Variants in FHAD1 observed in about 807,000 individuals in gnomAD.
The protein encoded by FHAD1 is forkhead-associated domain-containing protein 1.
In FHAD1, 146 loss-of-function variants were observed where a neutral mutation model predicts 191.3. The ratio of observed to expected loss-of-function variants is 0.76; its 90% CI spans 0.67 to 0.88. The LOEUF is 0.88. FHAD1 is among the 40% of genes least tolerant of loss of function. FHAD1 has a pLI of 0.00. For synonymous variants in FHAD1, 616 were observed against 672.3 expected (o/e 0.92, Z 1.29); for missense variants, 1,635 against 1,785.8 (o/e 0.92, Z 1.52).
At chr1:15,298,840 C>T (rs903645651) in intron 5 of FHAD1, among the ~76,000 whole-genome samples, 1 of 152,038 alleles carries the variant, frequency 6.6e-6, no homozygotes, top group Non-Finnish European at 1.5e-5. Flanking sequence ...CTTGTCAGGA[C>T]TCCTTCAAGT....
intron 3 of FHAD1, among the ~76,000 whole-genome samples, chr1:15,285,490 G>A (rs574583088): frequency 2.2e-4 from 33 of 152,270 alleles, no homozygotes; most frequent in African/African-American, 7.7e-4. Flanking sequence ...CCGAGATCAC[G>A]CCACTGCACT....
At position 15,289,973 on chromosome 1, in the gene FHAD1, G is replaced by GA. The variant is rs1467250759; in HGVS notation, c.568+308dup. Among the ~76,000 whole-genome samples the GA allele has an allele frequency of 2.0e-5, 3 of 152,104 alleles. No homozygotes were observed. Among genetic ancestry groups the GA allele is most frequent in the African/African-American group, 4.8e-5 (2 of 41,408 alleles). ...GTGTGTACATATGAGTGTGTCATGG[G>GA]ATCACGTCAACACACTTTGACTCAG... On this transcript the variant is annotated intron_variant, in intron 4 of 33. Coordinates refer to ENST00000688493, the MANE Select transcript of FHAD1 (RefSeq NM_001391957.1). This position sits in a 1 kb window ranked among gnomAD's most constrained non-coding sequence, Gnocchi z 4.2.
chr1:15,264,146 A>C (rs1162945689), intron 2 of FHAD1, among the ~76,000 whole-genome samples: 4 of 152,158 alleles, frequency 2.6e-5, no homozygotes, highest in Admixed American at 2.0e-4. Flanking sequence ...TTTTAGAATA[A>C]AATTTTCTAT....
At chr1:15,353,079 C>A in intron 20 of FHAD1, 95 bp downstream of exon 20, 1 of 896,040 alleles carries the variant, frequency 1.1e-6, no homozygotes, top group Non-Finnish European at 1.7e-6. Flanking sequence ...TACCTCTCCC[C>A]ATCCCTGGCT....
At chr1:15,391,031 G>C (rs533298235) in intron 32 of FHAD1, 179 bp from the exon 33 acceptor site, 1 of 271,966 alleles carries the variant, frequency 3.7e-6, no homozygotes, top group Non-Finnish European at 7.2e-6. Context: ...CCCCCTTCTC[G>C]TTGAGAAAAT....
chr1:15,304,645 A>G (rs145245415), intron 6 of FHAD1, among the ~76,000 whole-genome samples: 20 of 152,286 alleles, frequency 1.3e-4, no homozygotes, highest in African/African-American at 4.8e-4. Context: ...AAACAGGAAG[A>G]GGTGAAATAA....
At chr1:15,355,638 C>T (rs964536030) in intron 20 of FHAD1, among the ~76,000 whole-genome samples, 3 of 152,146 alleles carry the variant, frequency 2.0e-5, no homozygotes, top group African/African-American at 4.8e-5. Flanking sequence ...CCCTGGGGTG[C>T]ATCGCTGAGC....
chr1:15,345,196 T>C lies in FHAD1; in HGVS notation c.2238+6T>C. The C allele has an allele frequency of 6.5e-7, 1 of 1,548,968 alleles. No homozygotes were observed. On this transcript the variant is annotated splice_donor_region_variant and intron_variant, in intron 17 of 33. Coordinates refer to ENST00000688493, the MANE Select transcript of FHAD1 (RefSeq NM_001391957.1). ...TCCTGGCCCAGCAGAAGAAGGTATG[T>C]GGCTCAGGGAGACAGAGTCAGCTCG...
At chr1:15,400,335 G>C (rs1162949680), downstream of FHAD1, 2 of 152,224 alleles carry the variant, frequency 1.3e-5, no homozygotes, top group South Asian at 2.1e-4. Context: ...CACCCAAACT[G>C]AGTGACTTAA....
chr1:15,242,048 C>T (rs1251140606), intron 1 of FHAD1, among the ~76,000 whole-genome samples: 1 of 152,070 alleles, frequency 6.6e-6, no homozygotes, highest in Non-Finnish European at 1.5e-5. Flanking sequence ...GCCTGGCCAA[C>T]ATGGTGAAAC....
At position 15,325,839 on chromosome 1, in the gene FHAD1, C is replaced by T. The variant is rs955961825; in HGVS notation, c.1474-1220C>T. On this transcript the variant is annotated intron_variant, in intron 11 of 33. Coordinates refer to ENST00000688493, the MANE Select transcript of FHAD1 (RefSeq NM_001391957.1). This position sits in a 1 kb window ranked among gnomAD's most constrained non-coding sequence, Gnocchi z 4.6. ...TCCCAGTGCCTTCCCTCTCCTGTAT[C>T]TCCAAGGCCCTGCTCCCTGTCCAAT... is the stretch of plus-strand genomic sequence containing the variant. 1 of 152,890 alleles carries T rather than the reference C, an allele frequency of 6.5e-6. No individual in the cohort carries two copies. The highest frequency in any genetic ancestry group is 1.5e-5 in the Non-Finnish European group (1 of 68,552). The allele number at this position is 152,890 out of a possible 1,614,324, so 9.5% of individuals were successfully genotyped here.
intron 2 of FHAD1, among the ~76,000 whole-genome samples, chr1:15,262,410 A>G (rs1216900169): frequency 6.6e-6 from 1 of 152,200 alleles, no homozygotes. Context: ...TCCCAAGGGA[A>G]TAGATCACTT....
At chr1:15,292,017 A>T (rs998764698) in intron 4 of FHAD1, among the ~76,000 whole-genome samples, 7 of 152,238 alleles carry the variant, frequency 4.6e-5, no homozygotes, top group African/African-American at 1.7e-4. Context: ...AGCCTTGGTT[A>T]CATAGATAAG....
chr1:15,270,176 G>T (rs1005634541), intron 2 of FHAD1, among the ~76,000 whole-genome samples: 2 of 152,148 alleles, frequency 1.3e-5, no homozygotes, highest in Non-Finnish European at 2.9e-5. Context: ...CTCCCAAAGT[G>T]CTGGGATTAC....
intron 20 of FHAD1, among the ~76,000 whole-genome samples, chr1:15,355,986 T>G (rs2473360): frequency 0.5 from 74,352 of 148,672 alleles, 18,876 homozygotes; most frequent in African/African-American, 0.61. Context: ...ATAACTAACA[T>G]AGAGTCCACT....
At chr1:15,328,241 CTTTT>C (rs144888008) in intron 12 of FHAD1, 32 bp from the exon 13 acceptor site, 4 of 1,220,172 alleles carry the variant, frequency 3.3e-6, no homozygotes, top group Non-Finnish European at 4.3e-6. Flanking sequence ...TATGTTACAT[CTTTT>C]TTTTTTTTTT....
rs553468702 is a variant in FHAD1, at chr1:15,393,842, C to T, written c.4323+2579C>T. 1.1e-4 allele frequency among the ~76,000 whole-genome samples: 16 copies of T among 152,120 alleles called. No homozygotes were observed. In the South Asian group the frequency reaches 1.9e-3, roughly 18 times the overall value. On this transcript the variant is annotated intron_variant, in intron 33 of 33. Coordinates refer to ENST00000688493, the MANE Select transcript of FHAD1 (RefSeq NM_001391957.1). ...GAGCCCAGTGTTTGGAGGACAAAGG[C>T]CCCTGAACTGAGCTGAGCATATTTC...
chr1:15,240,098 C>T (rs1330755023), intron 1 of FHAD1, among the ~76,000 whole-genome samples: 1 of 152,142 alleles, frequency 6.6e-6, no homozygotes, highest in Non-Finnish European at 1.5e-5. Flanking sequence ...GATGTAATTT[C>T]TGTGATTATG....
intron 8 of FHAD1, among the ~76,000 whole-genome samples, chr1:15,313,527 A>G (rs1672965559): frequency 6.6e-6 from 1 of 152,142 alleles, no homozygotes. Flanking sequence ...CAGTAAATGC[A>G]CCTCTCAGCT....
Sources: allele counts gnomAD v4.1 joint callset (sites outside exome capture counted in the v4.1 genomes callset), GRCh38; gene constraint gnomAD v4.1.1; non-coding constraint Gnocchi (gnomAD v3.1); transcripts MANE v1.5; gene names NCBI Gene and HGNC (gene_info 2026-07-23, HGNC 2026-07-21).